DAB1: variants seen among roughly 807,000 people sequenced by gnomAD.
DAB1 encodes the protein DAB adaptor protein 1.
A neutral mutation model predicts 64.6 loss-of-function variants in DAB1; 15 were observed. The ratio of observed to expected loss-of-function variants is 0.23; its 90% CI spans 0.16 to 0.36. The LOEUF is 0.36. Among genes scored for constraint, DAB1 ranks in the 10% least tolerant of loss-of-function variants. The probability of loss-of-function intolerance (pLI) is 1.00; values close to 1 mark genes in which losing one functional copy is unlikely to be tolerated. For missense variants in DAB1, 596 were observed against 706.7 expected, an observed-to-expected ratio of 0.84 and a Z score of 1.78; for synonymous variants, 235 against 251.9, an observed-to-expected ratio of 0.93 and a Z score of 0.64.
intron 3 of DAB1, among the ~76,000 whole-genome samples, chr1:58,396,721 G>A (rs1644525815): frequency 6.6e-6 from 1 of 152,092 alleles, no homozygotes; most frequent in South Asian, 2.1e-4. Context: ...AATGACAGTA[G>A]GACAGAAATA....
At chr1:57,952,171 G>T (rs534371498) in intron 5 of DAB1, among the ~76,000 whole-genome samples, 3 of 151,852 alleles carry the variant, frequency 2.0e-5, no homozygotes, top group Admixed American at 2.0e-4. Context: ...TGAACAATAG[G>T]ATGTGACAAG....
intron 7 of DAB1, among the ~76,000 whole-genome samples, chr1:57,593,983 T>TA (rs1645476978): frequency 6.6e-6 from 1 of 152,214 alleles, no homozygotes; most frequent in Non-Finnish European, 1.5e-5. Flanking sequence ...GCCTGGGTTG[T>TA]ATGCCTTGCC....
intron 2 of DAB1, among the ~76,000 whole-genome samples, chr1:57,150,294 C>T (rs1175827302): frequency 6.6e-6 from 1 of 152,228 alleles, no homozygotes; most frequent in Admixed American, 6.5e-5. Flanking sequence ...GGTGATCATA[C>T]TTTCAGTTTG....
rs563988092 is a variant in DAB1, at chr1:57,721,831, T to A, written n.552-72166A>T. Among the ~76,000 whole-genome samples the A allele has an allele frequency of 3.3e-5, 5 of 152,312 alleles. No homozygotes were observed. The South Asian group carries it at 1.0e-3, about 32-fold the overall frequency. On this transcript the variant is annotated intron_variant and non_coding_transcript_variant, in intron 6 of 20. Transcript: ENST00000485760. ...TGTGGAAGGAGGGTAGAGTGTTGATTAATCTGGCCAGTTGGTTAAGGCAGT... is the reference window on the plus strand; with the variant it reads ...TGTGGAAGGAGGGTAGAGTGTTGATAAATCTGGCCAGTTGGTTAAGGCAGT...
intron 5 of DAB1, among the ~76,000 whole-genome samples, chr1:57,919,523 C>T (rs1342941103): frequency 2.0e-5 from 3 of 152,160 alleles, no homozygotes; most frequent in Non-Finnish European, 4.4e-5. Context: ...TTGAGCTAAG[C>T]CTTGGAAGAA....
intron 1 of DAB1, among the ~76,000 whole-genome samples, chr1:57,363,401 C>T (rs1394067447): frequency 6.6e-6 from 1 of 152,114 alleles, no homozygotes; most frequent in Non-Finnish European, 1.5e-5. Flanking sequence ...TTCCCAACTG[C>T]AGAGCACGGA....
At chr1:57,600,550 T>G (rs1645565044) in intron 7 of DAB1, among the ~76,000 whole-genome samples, 1 of 152,152 alleles carries the variant, frequency 6.6e-6, no homozygotes, top group Non-Finnish European at 1.5e-5. Context: ...GCCTTGTCAA[T>G]GCAAAATGCT....
chr1:57,611,712 C>T (rs1412905936), intron 7 of DAB1, among the ~76,000 whole-genome samples: 1 of 152,184 alleles, frequency 6.6e-6, no homozygotes, highest in Non-Finnish European at 1.5e-5. Context: ...CAAACTCAAG[C>T]CTGCATCATG....
chr1:58,120,081 T>A (rs934534503), intron 5 of DAB1, among the ~76,000 whole-genome samples: 3 of 152,204 alleles, frequency 2.0e-5, no homozygotes, highest in African/African-American at 7.2e-5. Context: ...TCTTTTGTGA[T>A]CAGGCATTTT....
rs566818986 is a variant in DAB1, at chr1:58,103,133, G to A, written n.387+47378C>T. On this transcript the variant is annotated intron_variant and non_coding_transcript_variant, in intron 5 of 20. Coordinates refer to the DAB1 transcript ENST00000485760. ...CAAGACTTCCTGCGGCACCCGATAC[G>A]TGGTAATGCACCTCTATTAAAGTTT... 7.2e-5 allele frequency among the ~76,000 whole-genome samples: 11 copies of A among 152,296 alleles called. No homozygotes were observed. The South Asian group carries it at 1.2e-3, about 17-fold the overall frequency.
chr1:57,850,193 T>C (rs1212540806), intron 1 of DAB1, among the ~76,000 whole-genome samples: 1 of 152,192 alleles, frequency 6.6e-6, no homozygotes, highest in Admixed American at 6.5e-5. Context: ...GGAAAGAATG[T>C]AGGCTTGGAA....
At chr1:57,701,935 C>T (rs1245209908) in intron 6 of DAB1, among the ~76,000 whole-genome samples, 1 of 152,064 alleles carries the variant, frequency 6.6e-6, no homozygotes, top group Non-Finnish European at 1.5e-5. Flanking sequence ...TTTGCTATTT[C>T]CTTAAAACTG....
intron 5 of DAB1, among the ~76,000 whole-genome samples, chr1:58,059,634 T>A (rs934008339): frequency 6.6e-6 from 1 of 152,234 alleles, no homozygotes; most frequent in Non-Finnish European, 1.5e-5. Flanking sequence ...GAAAATAAGA[T>A]GCAGTCCTCA....
chr1:57,973,093 C>T (rs917150164), intron 5 of DAB1, among the ~76,000 whole-genome samples: 3 of 152,076 alleles, frequency 2.0e-5, no homozygotes, highest in Non-Finnish European at 4.4e-5. Flanking sequence ...TCCATGCAGA[C>T]CCTAAATGTA....
At chr1:58,295,135 T>A (rs1177040130) in intron 4 of DAB1, among the ~76,000 whole-genome samples, 1 of 152,072 alleles carries the variant, frequency 6.6e-6, no homozygotes, top group East Asian at 1.9e-4. Context: ...GTATTGTGAT[T>A]TTCTGTTGCT....
At chr1:57,634,068 C>G (rs982019945) in intron 7 of DAB1, among the ~76,000 whole-genome samples, 1 of 152,146 alleles carries the variant, frequency 6.6e-6, no homozygotes, top group Non-Finnish European at 1.5e-5. Flanking sequence ...TGCAGAAAGG[C>G]AGGGAAACTG....
intron 7 of DAB1, among the ~76,000 whole-genome samples, chr1:57,526,141 T>C (rs536724238): frequency 3.9e-5 from 6 of 152,254 alleles, no homozygotes; most frequent in Non-Finnish European, 8.8e-5. Context: ...TTTCACCATG[T>C]TGGCCAGGCT....
intron 2 of DAB1, among the ~76,000 whole-genome samples, chr1:57,176,475 C>T (rs565779734): frequency 3.9e-5 from 6 of 152,202 alleles, no homozygotes; most frequent in African/African-American, 1.4e-4. Flanking sequence ...TCACCTCCCA[C>T]CAGGTTCCTC....
intron 5 of DAB1, among the ~76,000 whole-genome samples, chr1:57,984,656 C>T (rs913602496): frequency 2.0e-5 from 3 of 152,094 alleles, no homozygotes; most frequent in African/African-American, 7.2e-5. Flanking sequence ...ATTTGGGCAC[C>T]CCAACATGCA....
Sources: allele counts gnomAD v4.1 joint callset (sites outside exome capture counted in the v4.1 genomes callset), GRCh38; gene constraint gnomAD v4.1.1; transcripts MANE v1.5; gene names NCBI Gene and HGNC (gene_info 2026-07-23, HGNC 2026-07-21).